Variants in KCNQ1OT1 observed in about 807,000 individuals in gnomAD.
KCNQ1OT1 encodes KCNQ1 opposite strand/antisense transcript 1.
chr11:2,692,212 G>A, exon 1 of KCNQ1OT1: 1 of 398,726 alleles, frequency 2.5e-6, no homozygotes, highest in Non-Finnish European at 4.4e-6. Flanking sequence ...CGATACACCC[G>A]CTTCCTCACC....
At position 2,675,538 on chromosome 11, in the gene KCNQ1OT1, C is replaced by G. The variant is rs145403405; in HGVS notation, n.24457G>C. ...CATACACATTTCTTCCAGAATCACT[C>G]CACTGGAAATTCTGTAATAAGACAT... is the stretch of plus-strand genomic sequence containing the variant. On this transcript the variant is annotated non_coding_transcript_exon_variant, in exon 1 of 1. Coordinates refer to ENST00000597346, the Ensembl canonical transcript of KCNQ1OT1. 62 of 398,658 alleles carry G rather than the reference C, an allele frequency of 1.6e-4. No individual in the cohort carries two copies. The East Asian group carries it at 2.2e-3, about 14-fold the overall frequency. The allele number at this position is 398,658 out of a possible 1,614,324, so 24.7% of individuals were successfully genotyped here. A position where few individuals can be genotyped will look rare whatever the true frequency, so the allele number is the denominator to read the frequency against.
Position 2,671,739 on chromosome 11 carries a change from A to G in KCNQ1OT1, n.28256T>C, listed in dbSNP as rs907205178. 2.5e-6 allele frequency: 1 copy of G among 398,598 alleles called. No homozygotes were observed. The highest frequency in any genetic ancestry group is 4.4e-6 in the Non-Finnish European group (1 of 226,120). 24.7% of individuals were successfully genotyped at this position (398,598 alleles called of 1,614,324 possible). A position where few individuals can be genotyped will look rare whatever the true frequency, so the allele number is the denominator to read the frequency against. On this transcript the variant is annotated non_coding_transcript_exon_variant, in exon 1 of 1. Coordinates refer to ENST00000597346, the Ensembl canonical transcript of KCNQ1OT1. This position sits in a 1 kb window ranked among gnomAD's most constrained non-coding sequence, Gnocchi z 4.7. ...TGGTAGGCAAGGCTTTTCAGAGAAC[A>G]AGGAGCTACATACACATACATGCAT...
Position 2,676,197 on chromosome 11 carries a change from C to G in KCNQ1OT1, n.23798G>C, listed in dbSNP as rs2133874712. 2.5e-6 allele frequency: 1 copy of G among 398,664 alleles called. No individual in the cohort carries two copies. Among genetic ancestry groups the G allele is most frequent in the East Asian group, 3.6e-5 (1 of 28,084 alleles). The allele number at this position is 398,664 out of a possible 1,614,324, so 24.7% of individuals were successfully genotyped here. A position where few individuals can be genotyped will look rare whatever the true frequency, so the allele number is the denominator to read the frequency against. On this transcript the variant is annotated non_coding_transcript_exon_variant, in exon 1 of 1. Transcript: ENST00000597346. The surrounding 1 kb of genome is among the most constrained non-coding windows in gnomAD (Gnocchi z 4.2). ...TGACTTCTTCCATAGGTATGCCATA[C>G]TTCTTTTTGAGCTGTACATACAATG...
At position 2,663,117 on chromosome 11, in the gene KCNQ1OT1, G is replaced by T. The variant is rs1196217564; in HGVS notation, n.36878C>A. The T allele has an allele frequency of 2.5e-6, 1 of 398,688 alleles. No individual in the cohort carries two copies. Among genetic ancestry groups the T allele is most frequent in the Non-Finnish European group, 4.4e-6 (1 of 226,140 alleles). 24.7% of individuals were successfully genotyped at this position (398,688 alleles called of 1,614,324 possible). On this transcript the variant is annotated non_coding_transcript_exon_variant, in exon 1 of 1. Transcript: ENST00000597346. This position sits in a 1 kb window ranked among gnomAD's most constrained non-coding sequence, Gnocchi z 5.2. Reference sequence around the variant, plus strand: ...CAGGGAAGGAGTGGCTATCTTAAGGGGTAATTATGATCAGACAGGACCTGC... The same window carrying T: ...CAGGGAAGGAGTGGCTATCTTAAGGTGTAATTATGATCAGACAGGACCTGC...
rs552704974 is a variant in KCNQ1OT1, at chr11:2,623,753, A to C, written n.76242T>G. 2.5e-6 allele frequency: 1 copy of C among 398,558 alleles called. No homozygotes were observed. Among genetic ancestry groups the C allele is most frequent in the Non-Finnish European group, 4.4e-6 (1 of 226,042 alleles). The allele number at this position is 398,558 out of a possible 1,614,324, so 24.7% of individuals were successfully genotyped here. On this transcript the variant is annotated non_coding_transcript_exon_variant, in exon 1 of 1. Transcript: ENST00000597346. This position sits in a 1 kb window ranked among gnomAD's most constrained non-coding sequence, Gnocchi z 5.2. ...ACATCTCTGTGCAGATTTTTATGTG[A>C]ATATAAGTCTTCACCTCCTTTGAGT...
chr11:2,689,191 A>G, exon 1 of KCNQ1OT1: 1 of 398,760 alleles, frequency 2.5e-6, no homozygotes, highest in Non-Finnish European at 4.4e-6. Context: ...TTCTGTGCAA[A>G]CAGCTCAGCT....
chr11:2,642,732 C>T lies in KCNQ1OT1; in HGVS notation n.57263G>A, dbSNP rs1590000182. 2.5e-6 allele frequency: 1 copy of T among 397,480 alleles called. No homozygotes were observed. Among genetic ancestry groups the T allele is most frequent in the African/African-American group, 2.1e-5 (1 of 48,514 alleles). The allele number at this position is 397,480 out of a possible 1,614,324, so 24.6% of individuals were successfully genotyped here. ...TTTAGTATGGTTTGTTCTTGCTTTT[C>T]TGGTTCCTTCAGGTGTATCATTAGA... On this transcript the variant is annotated non_coding_transcript_exon_variant, in exon 1 of 1. Transcript: ENST00000597346. This position sits in a 1 kb window ranked among gnomAD's most constrained non-coding sequence, Gnocchi z 4.3.
At chr11:2,622,723 TA>T (rs1429080743) in exon 1 of KCNQ1OT1, 9 of 398,468 alleles carry the variant, frequency 2.3e-5, no homozygotes, top group Non-Finnish European at 4.0e-5. Context: ...TTAAAGACTT[TA>T]TATTTTTAGA....
chr11:2,664,077 C>T lies in KCNQ1OT1; in HGVS notation n.35918G>A, dbSNP rs542427927. 6 of 398,750 alleles carry T rather than the reference C, an allele frequency of 1.5e-5. No homozygotes were observed. The highest frequency in any genetic ancestry group is 8.8e-5 in the Admixed American group (2 of 22,738). 24.7% of individuals were successfully genotyped at this position (398,750 alleles called of 1,614,324 possible). A position where few individuals can be genotyped will look rare whatever the true frequency, so the allele number is the denominator to read the frequency against. On this transcript the variant is annotated non_coding_transcript_exon_variant, in exon 1 of 1. Coordinates refer to ENST00000597346, the Ensembl canonical transcript of KCNQ1OT1. The surrounding 1 kb of genome is among the most constrained non-coding windows in gnomAD (Gnocchi z 5.1). ...CATGGCCTCCAGTGATAAGTGGGCC[C>T]AGGCAGGTCAGAGACTCCAGTCATT...
In KCNQ1OT1 at chr11:2,683,875, T is replaced by A. The variant is rs1285289829; in HGVS notation, n.16120A>T. On this transcript the variant is annotated non_coding_transcript_exon_variant, in exon 1 of 1. Coordinates refer to ENST00000597346, the Ensembl canonical transcript of KCNQ1OT1. The surrounding 1 kb of genome is among the most constrained non-coding windows in gnomAD (Gnocchi z 4.7). ...CCCACACTCACTGCTACATCTCTCT[T>A]CCAAATCATAAATGCAAAAGATGGC... 4 of 398,142 alleles carry A rather than the reference T, an allele frequency of 1.0e-5. No individual in the cohort carries two copies. Among genetic ancestry groups the A allele is most frequent in the Non-Finnish European group, 1.3e-5 (3 of 226,042 alleles). The allele number at this position is 398,142 out of a possible 1,614,324, so 24.7% of individuals were successfully genotyped here.
At chr11:2,667,199 C>T (rs990974141) in exon 1 of KCNQ1OT1, 2 of 398,614 alleles carry the variant, frequency 5.0e-6, no homozygotes, top group Non-Finnish European at 8.8e-6. Context: ...TGTGGCGGCC[C>T]CCCGTGGCCC....
exon 1 of KCNQ1OT1, chr11:2,686,958 T>A (rs1243333911): frequency 7.5e-6 from 3 of 398,434 alleles, no homozygotes; most frequent in Non-Finnish European, 1.3e-5. Flanking sequence ...CAGCTTACCA[T>A]CCTGATGCAG....
rs1475703329 is a variant in KCNQ1OT1 at position 2,674,741 on chromosome 11, T to G, written n.25254A>C. Reference sequence around the variant, plus strand: ...TCTGAACTTAACTCGTTAAAGTTGCTCCAATCCCAGCCCAGTGCCAGACCA... The same window carrying G: ...TCTGAACTTAACTCGTTAAAGTTGCGCCAATCCCAGCCCAGTGCCAGACCA... On this transcript the variant is annotated non_coding_transcript_exon_variant, in exon 1 of 1. Transcript: ENST00000597346. The surrounding 1 kb of genome is among the most constrained non-coding windows in gnomAD (Gnocchi z 5.9). The G allele has an allele frequency of 5.1e-6, 2 of 393,848 alleles. No homozygotes were observed. Among genetic ancestry groups the G allele is most frequent in the African/African-American group, 4.3e-5 (2 of 46,548 alleles). The allele number at this position is 393,848 out of a possible 1,614,324, so 24.4% of individuals were successfully genotyped here.
At position 2,670,254 on chromosome 11, in the gene KCNQ1OT1, G is replaced by A; in HGVS notation, n.29741C>T. 1 of 398,546 alleles carries A rather than the reference G, an allele frequency of 2.5e-6. No individual in the cohort carries two copies. The highest frequency in any genetic ancestry group is 4.4e-6 in the Non-Finnish European group (1 of 226,064). 24.7% of individuals were successfully genotyped at this position (398,546 alleles called of 1,614,324 possible). A position where few individuals can be genotyped will look rare whatever the true frequency, so the allele number is the denominator to read the frequency against. ...TTGACCCTGCACATGACGGGCGAGG[G>A]AAGAGGACCATGGTAGCTTGTCTCT... On this transcript the variant is annotated non_coding_transcript_exon_variant, in exon 1 of 1. Coordinates refer to ENST00000597346, the Ensembl canonical transcript of KCNQ1OT1. The surrounding 1 kb of genome is among the most constrained non-coding windows in gnomAD (Gnocchi z 4.9).
In KCNQ1OT1 at chr11:2,661,568, G is replaced by A. The variant is rs1849956902; in HGVS notation, n.38427C>T. The A allele has an allele frequency of 3.6e-6, 2 of 553,818 alleles. No individual in the cohort carries two copies. The highest frequency in any genetic ancestry group is 3.2e-6 in the Non-Finnish European group (1 of 311,852). The allele number at this position is 553,818 out of a possible 1,614,324, so 34.3% of individuals were successfully genotyped here. A position where few individuals can be genotyped will look rare whatever the true frequency, so the allele number is the denominator to read the frequency against. ...TCTGTCAATGTATGAGTGTGACAAT[G>A]TATGGTGGTGGGAGCTGTTGTCCCT... is the stretch of plus-strand genomic sequence containing the variant. On this transcript the variant is annotated non_coding_transcript_exon_variant, in exon 1 of 1. Coordinates refer to ENST00000597346, the Ensembl canonical transcript of KCNQ1OT1. This position sits in a 1 kb window ranked among gnomAD's most constrained non-coding sequence, Gnocchi z 5.9.
At chr11:2,675,196 A>G (rs1274178070) in exon 1 of KCNQ1OT1, 5 of 398,454 alleles carry the variant, frequency 1.3e-5, no homozygotes, top group Admixed American at 8.8e-5. Flanking sequence ...CTCTAGGTCA[A>G]TATTGTGTCA....
exon 1 of KCNQ1OT1, chr11:2,681,353 C>A (rs1850393458): frequency 5.0e-6 from 2 of 398,310 alleles, no homozygotes; most frequent in Admixed American, 4.4e-5. Flanking sequence ...CTTGTAGCTC[C>A]CTGCTCACTC....
At chr11:2,646,682 G>A (rs1383065992) in exon 1 of KCNQ1OT1, 6 of 398,474 alleles carry the variant, frequency 1.5e-5, no homozygotes, top group Non-Finnish European at 2.2e-5. Flanking sequence ...AGGCCACCAC[G>A]CCCAGCTCAT....
rs1850000781 is a variant in KCNQ1OT1, at chr11:2,663,153, TCCAGGCCCCC to T, written n.36832_36841del. On this transcript the variant is annotated non_coding_transcript_exon_variant, in exon 1 of 1. Coordinates refer to ENST00000597346, the Ensembl canonical transcript of KCNQ1OT1. This position sits in a 1 kb window ranked among gnomAD's most constrained non-coding sequence, Gnocchi z 5.2. The stretch of plus-strand genomic sequence containing the variant: ...TCAGACAGGACCTGCCCACTGTCTT[TCCAGGCCCCC>T]CCAGTTCACAGAGAGGTTGGCAGTA... 3 of 398,730 alleles carry T rather than the reference TCCAGGCCCCC, an allele frequency of 7.5e-6. No individual in the cohort carries two copies. In the East Asian group the frequency reaches 1.1e-4, roughly 14 times the overall value. The allele number at this position is 398,730 out of a possible 1,614,324, so 24.7% of individuals were successfully genotyped here.
Sources: gnomAD v4.1 joint callset for allele counts on GRCh38, gnomAD v4.1.1 for gene constraint, Gnocchi (gnomAD v3.1) non-coding constraint, MANE v1.5 for transcripts, NCBI Gene and HGNC (gene_info 2026-07-23, HGNC 2026-07-21) for gene names.